The following C2CD3 variants were observed in gnomAD, a reference collection of about 807,000 sequenced individuals.
C2CD3 encodes the protein C2 domain containing 3 centriole elongation regulator.
A neutral mutation model predicts 234.0 loss-of-function variants in C2CD3; 148 were observed. The observed-to-expected ratio is 0.63, with a 90% CI of 0.55 to 0.72. The LOEUF is 0.72. Among genes scored for constraint, C2CD3 ranks in the 30% least tolerant of loss-of-function variants. C2CD3 has a pLI of 0.00. For synonymous variants in C2CD3, 1,000 were observed against 1,035.4 expected (o/e 0.97, Z 0.66); for missense variants, 2,577 against 2,811.5 (o/e 0.92, Z 1.89).
At position 74,085,823 on chromosome 11, in the gene C2CD3, G is replaced by C. The variant is rs1157446892; in HGVS notation, c.3705C>G (p.Val1235=). The change falls in exon 21 of 33, where the codon GTC becomes GTG. Residue 1235 remains valine, a synonymous_variant. Coordinates refer to ENST00000334126, the MANE Select transcript of C2CD3 (RefSeq NM_001286577.2). ...FSATVGVNAS[V]TTHLSFLPQG... is the part of the protein sequence containing the mutation. ...GGGGCAGGAAGGAGAGATGAGTGGT[G>C]ACAGAGGCATTGACCCCGACTGTGG... 3 of 1,614,122 alleles carry C rather than the reference G, an allele frequency of 1.9e-6. No individual in the cohort carries two copies. Among genetic ancestry groups the C allele is most frequent in the East Asian group, 2.2e-5 (1 of 44,860 alleles).
chr11:74,028,417 G>T lies in C2CD3; in HGVS notation c.6810-19C>A. On this transcript the variant is annotated intron_variant, in intron 31 of 32. Transcript: ENST00000334126. ...CCCTGGGCTACAATGGTAGTTAAGG[G>T]ACAAAAATACCTAGAAGTCCACCCC... 3 of 1,486,820 alleles carry T rather than the reference G, an allele frequency of 2.0e-6. No individual in the cohort carries two copies. Among genetic ancestry groups the T allele is most frequent in the South Asian group, 1.2e-5 (1 of 82,400 alleles). The allele number at this position is 1,486,820 out of a possible 1,614,324, so 92.1% of individuals were successfully genotyped here.
At chr11:74,162,531 T>G (rs957464385) in intron 2 of C2CD3, among the ~76,000 whole-genome samples, 1 of 152,150 alleles carries the variant, frequency 6.6e-6, no homozygotes, top group African/African-American at 2.4e-5. Context: ...CAAAACTATC[T>G]GGAAAAAGTA....
At position 74,057,474 on chromosome 11, in the gene C2CD3, T is replaced by C. The variant is rs1591355304; in HGVS notation, c.5022A>G (p.Ser1674=). ...CCVSFATADE[S]SPVYTQVVEN... ...CAACCACTTGGGTGTATACAGGAGA[T>C]GACTCATCGGCTGTTGCAAAGGATA... The change falls in exon 25 of 33, where the codon TCA becomes TCG. Residue 1674 remains serine (S), a synonymous_variant. Transcript: ENST00000334126. 6.2e-7 allele frequency: 1 copy of C among 1,614,078 alleles called. No homozygotes were observed. The highest frequency in any genetic ancestry group is 1.7e-5 in the Admixed American group (1 of 60,018).
chr11:74,049,058 C>T lies in C2CD3; in HGVS notation c.5361+279G>A, dbSNP rs138498635. 2.1e-3 allele frequency among the ~76,000 whole-genome samples: 322 copies of T among 152,132 alleles called. 1 individual carries two copies. The highest frequency in any genetic ancestry group is 7.5e-3 in the African/African-American group (311 of 41,512). Reference sequence around the variant, plus strand: ...AGAGTTTCAGATTCTATATGACAACCTTGTTTTATTTGGAAACTGCGATAT... The same window carrying T: ...AGAGTTTCAGATTCTATATGACAACTTTGTTTTATTTGGAAACTGCGATAT... On this transcript the variant is annotated intron_variant, in intron 27 of 32. Coordinates refer to ENST00000334126, the MANE Select transcript of C2CD3 (RefSeq NM_001286577.2).
In C2CD3 at chr11:74,030,629, G is replaced by A. The variant is rs181003314; in HGVS notation, c.6810-2231C>T. On this transcript the variant is annotated intron_variant, in intron 31 of 32. Coordinates refer to ENST00000334126, the MANE Select transcript of C2CD3 (RefSeq NM_001286577.2). ...CTGTCCTGCTTCTCTTTGCACACTG[G>A]AGATGCTCAGAGTCTGCCTCTGTGT... is the stretch of plus-strand genomic sequence containing the variant. Among the ~76,000 whole-genome samples, 158 of 152,196 alleles carry A rather than the reference G, an allele frequency of 1.0e-3. 4 individuals are homozygous for A. The highest frequency in any genetic ancestry group is 0.01 in the Middle Eastern group (3 of 294).
At chr11:74,170,215 C>T (rs896512026) in intron 1 of C2CD3, among the ~76,000 whole-genome samples, 9 of 152,158 alleles carry the variant, frequency 5.9e-5, no homozygotes, top group African/African-American at 2.2e-4. Flanking sequence ...CCACTCTTCC[C>T]GGCTCTATAC....
chr11:74,116,819 CA>C (rs1565312136), intron 9 of C2CD3, among the ~76,000 whole-genome samples: 3 of 140,658 alleles, frequency 2.1e-5, no homozygotes, highest in African/African-American at 7.9e-5. Context: ...TATACACACA[CA>C]TATATACGTG....
chr11:74,069,765 G>A (rs1954711729), intron 24 of C2CD3, among the ~76,000 whole-genome samples: 2 of 152,104 alleles, frequency 1.3e-5, no homozygotes, highest in African/African-American at 2.4e-5. Flanking sequence ...CCTTTGGCCT[G>A]GAGTGAATGG....
intron 3 of C2CD3, among the ~76,000 whole-genome samples, chr11:74,150,913 T>G (rs1469567230): frequency 2.0e-5 from 3 of 151,988 alleles, no homozygotes. Flanking sequence ...GACTTTTTCT[T>G]TCTTTCTTTC....
At chr11:74,063,974 T>G (rs1406820609) in intron 24 of C2CD3, among the ~76,000 whole-genome samples, 1 of 152,168 alleles carries the variant, frequency 6.6e-6, no homozygotes, top group Admixed American at 6.5e-5. Context: ...TATGTATACA[T>G]GTGCCATTTT....
chr11:74,157,918 T>G (rs973107337), intron 3 of C2CD3, among the ~76,000 whole-genome samples: 1 of 151,996 alleles, frequency 6.6e-6, no homozygotes, highest in Non-Finnish European at 1.5e-5. Flanking sequence ...GTTAGTGGCA[T>G]GTAACAGTAT....
At position 74,093,858 on chromosome 11, in the gene C2CD3, C is replaced by G. The variant is rs1032324911; in HGVS notation, c.3302G>C (p.Gly1101Ala). Residue 1101 changes from glycine to alanine, a missense_variant, in exon 18 of 33, where the codon GGC becomes GCC. Gly to Ala is a moderately conservative substitution (Grantham distance 60). Transcript: ENST00000334126. ...CTGGACTCCACCTCCAGGCACGAGG[C>G]CCTGTGCAGAGAAAGCACTTAGTAG... ...RLLLSAFSAQ[G>A]LVPGGGVQFE... The G allele has an allele frequency of 6.2e-7, 1 of 1,614,026 alleles. No individual in the cohort carries two copies. The highest frequency in any genetic ancestry group is 1.3e-5 in the African/African-American group (1 of 75,034).
At chr11:74,050,322 T>A (rs1565229908) in intron 26 of C2CD3, among the ~76,000 whole-genome samples, 1 of 152,226 alleles carries the variant, frequency 6.6e-6, no homozygotes. Flanking sequence ...GAGAACAGTT[T>A]AGGGTGCAAA....
chr11:74,058,772 ATAGTCTAAC>A (rs1413007826), intron 24 of C2CD3, among the ~76,000 whole-genome samples: 2 of 152,196 alleles, frequency 1.3e-5, no homozygotes, highest in East Asian at 3.9e-4. Context: ...ATGATACTAG[ATAGTCTAAC>A]TGAGCTGTCC....
intron 7 of C2CD3, chr11:74,128,445 C>T (rs1957489822): frequency 6.6e-6 from 1 of 152,168 alleles, no homozygotes; most frequent in Non-Finnish European, 1.5e-5. Context: ...ATCTAAGAAT[C>T]ATTTCCCAAA....
chr11:74,115,120 G>C, intron 9 of C2CD3, among the ~76,000 whole-genome samples: 1 of 151,722 alleles, frequency 6.6e-6, no homozygotes, highest in East Asian at 1.9e-4. Flanking sequence ...AAAGGTTTGA[G>C]AGTGTATATT....
intron 22 of C2CD3, 138 bp downstream of exon 22, chr11:74,084,743 T>C (rs1021534587): frequency 1.7e-5 from 9 of 533,228 alleles, no homozygotes; most frequent in African/African-American, 1.5e-4. Flanking sequence ...TTTGAGGTAT[T>C]GGAGAGAGTT....
At chr11:74,115,255 C>T (rs1956885937) in intron 9 of C2CD3, among the ~76,000 whole-genome samples, 2 of 151,668 alleles carry the variant, frequency 1.3e-5, no homozygotes, top group South Asian at 2.1e-4. Context: ...CACACTTATA[C>T]ACACACAACA....
rs1336319918 is a variant in C2CD3 at position 74,109,025 on chromosome 11, T to G, written c.1962+9A>C. On this transcript the variant is annotated intron_variant, in intron 12 of 32. Coordinates refer to ENST00000334126, the MANE Select transcript of C2CD3 (RefSeq NM_001286577.2). ...AAGGTAAGGCAAAGGCCAAAATCACTCAAAGTACCTTTTTCTGTGGAGTTT... is the reference window on the plus strand; with the variant it reads ...AAGGTAAGGCAAAGGCCAAAATCACGCAAAGTACCTTTTTCTGTGGAGTTT... 2.0e-6 allele frequency: 3 copies of G among 1,480,228 alleles called. No individual in the cohort carries two copies. The Admixed American group carries it at 5.1e-5, about 25-fold the overall frequency. The allele number at this position is 1,480,228 out of a possible 1,614,324, so 91.7% of individuals were successfully genotyped here. A position where few individuals can be genotyped will look rare whatever the true frequency, so the allele number is the denominator to read the frequency against.
Sources: gnomAD v4.1 joint callset for allele counts (sites outside exome capture counted in the v4.1 genomes callset) on GRCh38, gnomAD v4.1.1 for gene constraint, MANE v1.5 for transcripts, NCBI Gene and HGNC (gene_info 2026-07-23, HGNC 2026-07-21) for gene names.